The following COL4A6 variants were observed in gnomAD, a reference collection of about 807,000 sequenced individuals.
COL4A6 encodes the protein collagen alpha-6(IV) chain.
Under a neutral mutation model 126.7 loss-of-function variants are expected in COL4A6, and 59 were observed. The ratio of observed to expected loss-of-function variants is 0.47; its 90% CI spans 0.38 to 0.58. COL4A6 has a LOEUF of 0.58. COL4A6 is among the 20% of genes least tolerant of loss of function. The pLI is 0.00. For synonymous variants in COL4A6, 547 were observed against 496.6 expected (o/e 1.10, Z -1.35); for missense variants, 1,285 against 1,337.3 (o/e 0.96, Z 0.61).
Position 108,333,720 on chromosome X carries a change from C to G in COL4A6, c.64-22892G>C, listed in dbSNP as rs551220286. On this transcript the variant is annotated intron_variant, in intron 2 of 44. Transcript: ENST00000334504. ...TCAATAAATTTGCAAAATATAAAAT[C>G]AATGTGAAAAAATTAGTAGTGTTTC... Among the ~76,000 whole-genome samples, 25 of 111,591 alleles carry G rather than the reference C, an allele frequency of 2.2e-4. No individual in the cohort carries two copies. In the South Asian group the frequency reaches 9.4e-3, roughly 42 times the overall value.
At chrX:108,430,573 C>A (rs991974962) in intron 2 of COL4A6, among the ~76,000 whole-genome samples, 1 of 111,663 alleles carries the variant, frequency 9.0e-6, no homozygotes, top group Admixed American at 9.5e-5. Context: ...GGTAGAAAAA[C>A]CAGTCAGGAG....
chrX:108,338,908 G>A (rs988745339), intron 2 of COL4A6, among the ~76,000 whole-genome samples: 1 of 111,568 alleles, frequency 9.0e-6, no homozygotes, highest in Admixed American at 9.5e-5. Context: ...GATTTTTACC[G>A]TCAAGCTGAA....
chrX:108,179,741 G>C (rs999719913), intron 25 of COL4A6, among the ~76,000 whole-genome samples: 1 of 107,703 alleles, frequency 9.3e-6, no homozygotes, highest in Admixed American at 1.0e-4. Flanking sequence ...CCTGAGAAAA[G>C]TTCAACCTCT....
intron 2 of COL4A6, among the ~76,000 whole-genome samples, chrX:108,396,742 AAG>A (rs1045626937): frequency 2.6e-4 from 29 of 111,526 alleles, no homozygotes; most frequent in African/African-American, 9.4e-4. Flanking sequence ...GAGTCACAGG[AAG>A]AGAGTTCATT....
chrX:108,403,903 T>C, intron 2 of COL4A6, among the ~76,000 whole-genome samples: 1 of 111,654 alleles, frequency 9.0e-6, no homozygotes. Context: ...AATATTCTTG[T>C]CTGCTTGTAC....
chrX:108,169,594 G>T lies in COL4A6; in HGVS notation c.3592C>A (p.Pro1198Thr). 5.8e-6 allele frequency: 7 copies of T among 1,210,947 alleles called. No individual in the cohort carries two copies. Among genetic ancestry groups the T allele is most frequent in the Non-Finnish European group, 7.8e-6 (7 of 895,166 alleles). The change falls in exon 37 of 45, where the codon CCT becomes ACT. Residue 1198 changes from proline (P) to threonine (T), a missense_variant. Physicochemically the swap from Pro to Thr is conservative, Grantham distance 38. Transcript: ENST00000334504. ...PGPSITGVPG[P>T]AGLPGPKGEK... ...CCTTTGGGTCCAGGGAGACCAGCAG[G>T]CCCAGGCACACCGGTGATACTAGGT...
chrX:108,176,024 G>A (rs773999552), intron 28 of COL4A6, among the ~76,000 whole-genome samples: 2 of 110,571 alleles, frequency 1.8e-5, no homozygotes, highest in East Asian at 5.7e-4. Context: ...CAATACAAAG[G>A]AAAGAAGTGG....
At chrX:108,202,771 G>A (rs948421518) in intron 13 of COL4A6, among the ~76,000 whole-genome samples, 157 bp downstream of exon 13, 2 of 111,854 alleles carry the variant, frequency 1.8e-5, no homozygotes, top group Non-Finnish European at 3.8e-5. Context: ...CCATGTGTTT[G>A]AGAAACAAGA....
At chrX:108,298,241 T>G (rs753487404) in intron 3 of COL4A6, among the ~76,000 whole-genome samples, 6 of 112,146 alleles carry the variant, frequency 5.4e-5, no homozygotes, top group Admixed American at 1.9e-4. Context: ...TAGAAGCTGG[T>G]GCAAAGTTCC....
At chrX:108,176,724 G>A in intron 28 of COL4A6, 117 bp downstream of exon 28, 1 of 814,213 alleles carries the variant, frequency 1.2e-6, no homozygotes, top group East Asian at 3.2e-5. Context: ...GACACAAAAA[G>A]CCCTGTCCAA....
intron 3 of COL4A6, among the ~76,000 whole-genome samples, chrX:108,238,386 C>T (rs752383487): frequency 1.8e-5 from 2 of 109,129 alleles, no homozygotes; most frequent in South Asian, 4.1e-4. Context: ...GGATTACAGG[C>T]GTGAGTCACC....
intron 3 of COL4A6, among the ~76,000 whole-genome samples, chrX:108,305,920 G>T (rs1029589999): frequency 1.8e-5 from 2 of 112,175 alleles, no homozygotes; most frequent in African/African-American, 6.5e-5. Context: ...TATCCAGCAA[G>T]AAATTGACAA....
At chrX:108,404,376 C>T (rs1923751590) in intron 2 of COL4A6, among the ~76,000 whole-genome samples, 1 of 111,530 alleles carries the variant, frequency 9.0e-6, no homozygotes, top group Non-Finnish European at 1.9e-5. Flanking sequence ...AATCTTGTTG[C>T]TTAGTTATTA....
At chrX:108,409,656 G>A (rs1434822611) in intron 2 of COL4A6, among the ~76,000 whole-genome samples, 2 of 111,659 alleles carry the variant, frequency 1.8e-5, no homozygotes, top group Non-Finnish European at 3.8e-5. Context: ...CACCCTACAA[G>A]TCAGCTATGT....
At chrX:108,414,358 C>T (rs2041391335) in intron 2 of COL4A6, among the ~76,000 whole-genome samples, 1 of 111,512 alleles carries the variant, frequency 9.0e-6, no homozygotes, top group South Asian at 3.8e-4. Flanking sequence ...TGGCTATGAA[C>T]TGTTGAAACC....
At chrX:108,417,530 C>T (rs1294392077) in intron 2 of COL4A6, among the ~76,000 whole-genome samples, 1 of 111,732 alleles carries the variant, frequency 8.9e-6, no homozygotes, top group Admixed American at 9.5e-5. Context: ...TTAGAAGCCT[C>T]TTACTGCCAC....
rs755724010 is a variant in COL4A6 at position 108,424,718 on chromosome X, TA to T, written c.63+13223del. On this transcript the variant is annotated intron_variant, in intron 2 of 44. Transcript: ENST00000334504. ...CACAATATCAGATTTTAATTTCATT[TA>T]AAAAAACATATTTTAGGCCATACGG... Among the ~76,000 whole-genome samples the T allele has an allele frequency of 5.4e-5, 6 of 112,130 alleles. No individual in the cohort carries two copies. In the South Asian group the frequency reaches 2.3e-3, roughly 42 times the overall value.
intron 27 of COL4A6, among the ~76,000 whole-genome samples, chrX:108,178,057 A>G (rs746061960): frequency 8.9e-6 from 1 of 112,607 alleles, no homozygotes; most frequent in African/African-American, 3.2e-5. Context: ...AAGGGAATAA[A>G]AAGGACATTA....
intron 2 of COL4A6, among the ~76,000 whole-genome samples, chrX:108,351,035 C>A (rs945280302): frequency 1.8e-5 from 2 of 111,407 alleles, no homozygotes; most frequent in Non-Finnish European, 1.9e-5. Flanking sequence ...GCATTTAATT[C>A]TCTGTTCTCC....
Sources: gnomAD v4.1 joint callset for allele counts (sites outside exome capture counted in the v4.1 genomes callset) on GRCh38, gnomAD v4.1.1 for gene constraint, MANE v1.5 for transcripts, NCBI Gene and HGNC (gene_info 2026-07-23, HGNC 2026-07-21) for gene names.